The following MRAP2 variants were observed in gnomAD, a reference collection of about 807,000 sequenced individuals.
MRAP2 encodes the protein melanocortin-2 receptor accessory protein 2.
Under a neutral mutation model 17.4 loss-of-function variants are expected in MRAP2, and 20 were observed. The ratio of observed to expected loss-of-function variants is 1.15; its 90% CI spans 0.81 to 1.67. The LOEUF (loss-of-function observed/expected upper bound fraction) is 1.67. Ranked by LOEUF, MRAP2 falls within the 40% of genes most tolerant of loss-of-function variation. The pLI is 0.00. For synonymous variants in MRAP2, 96 were observed against 88.4 expected (o/e 1.09, Z -0.48); for missense variants, 238 against 240.0 (o/e 0.99, Z 0.05).
intron 3 of MRAP2, among the ~76,000 whole-genome samples, chr6:84,070,101 T>C (rs1411195234): frequency 6.6e-6 from 1 of 152,158 alleles, no homozygotes; most frequent in Non-Finnish European, 1.5e-5. Context: ...AGTTCTGCTC[T>C]GATGATCTTG....
chr6:84,041,768 T>C (rs1345661764), intron 1 of MRAP2, among the ~76,000 whole-genome samples: 1 of 152,286 alleles, frequency 6.6e-6, no homozygotes, highest in Non-Finnish European at 1.5e-5. Flanking sequence ...ATTTACCCAA[T>C]GCCTGTACCC....
chr6:84,093,774 T>G (rs2099502191), downstream of MRAP2, among the ~76,000 whole-genome samples: 1 of 152,218 alleles, frequency 6.6e-6, no homozygotes, highest in African/African-American at 2.4e-5. Context: ...TAGTGACTTT[T>G]AGCATTAAAA....
At chr6:84,132,832 G>C in the MRAP2 span, among the ~76,000 whole-genome samples, 1 of 152,030 alleles carries the variant, frequency 6.6e-6, no homozygotes, top group Non-Finnish European at 1.5e-5. Context: ...CTGATCTTCT[G>C]AGGCCTACTT....
In MRAP2 at chr6:84,055,357, G is replaced by A. The variant is rs767902944; in HGVS notation, c.39G>A (p.Gln13=). The change falls in exon 2 of 4, where the codon CAG becomes CAA. Residue 13 remains glutamine, a synonymous_variant. Transcript: ENST00000257776. Reference sequence around the variant, plus strand: ...GGTTAATTTCTAACAGAACCTCCCAGCAATCGGCATCTAATTCTGATTACA... The same window carrying A: ...GGTTAATTTCTAACAGAACCTCCCAACAATCGGCATCTAATTCTGATTACA... ...AQRLISNRTS[Q]QSASNSDYTW... is the part of the protein sequence containing the mutation. The A allele has an allele frequency of 2.5e-6, 4 of 1,613,700 alleles. No homozygotes were observed. In the Admixed American group the frequency reaches 6.7e-5, roughly 27 times the overall value.
chr6:84,039,390 G>T (rs1232508261), intron 1 of MRAP2, among the ~76,000 whole-genome samples: 2 of 152,190 alleles, frequency 1.3e-5, no homozygotes, highest in African/African-American at 2.4e-5. Flanking sequence ...TTTGCTTCAT[G>T]TCAGGGTACA....
At chr6:84,134,335 C>A in the MRAP2 span, among the ~76,000 whole-genome samples, 1 of 152,176 alleles carries the variant, frequency 6.6e-6, no homozygotes, top group Non-Finnish European at 1.5e-5. Flanking sequence ...ACTTGGCTCC[C>A]TGGCTTCAAC....
intron 3 of MRAP2, among the ~76,000 whole-genome samples, chr6:84,065,229 G>A (rs2099494352): frequency 6.6e-6 from 1 of 151,620 alleles, no homozygotes; most frequent in Non-Finnish European, 1.5e-5. Flanking sequence ...AGGCTGCAGT[G>A]AGCTGTGATT....
At chr6:84,066,755 A>G (rs970409609) in intron 3 of MRAP2, among the ~76,000 whole-genome samples, 2 of 152,226 alleles carry the variant, frequency 1.3e-5, no homozygotes, top group Non-Finnish European at 2.9e-5. Flanking sequence ...GAAAAAATGT[A>G]GAGTCAAACC....
At chr6:84,069,930 T>G (rs2099495773) in intron 3 of MRAP2, among the ~76,000 whole-genome samples, 1 of 152,196 alleles carries the variant, frequency 6.6e-6, no homozygotes, top group African/African-American at 2.4e-5. Context: ...TGGTGTCATT[T>G]GTAATAACTC....
At chr6:84,050,318 A>G (rs2129162400) in intron 1 of MRAP2, among the ~76,000 whole-genome samples, 1 of 152,304 alleles carries the variant, frequency 6.6e-6, no homozygotes, top group African/African-American at 2.4e-5. Context: ...TTTTTAAAGT[A>G]CTGCCCTGGG....
chr6:84,045,168 A>G, intron 1 of MRAP2: 1 of 978,764 alleles, frequency 1.0e-6, no homozygotes, highest in Non-Finnish European at 1.2e-6. Context: ...AGGTCCTGGA[A>G]CCAAGCCCCC....
downstream of MRAP2, among the ~76,000 whole-genome samples, chr6:84,091,385 C>T (rs879324320): frequency 2.0e-5 from 3 of 151,664 alleles, no homozygotes; most frequent in East Asian, 1.9e-4. Context: ...CGTGCCACCA[C>T]GCCTAGCTAA....
chr6:84,125,564 G>A, the MRAP2 span, among the ~76,000 whole-genome samples: 1 of 152,090 alleles, frequency 6.6e-6, no homozygotes, highest in Admixed American at 6.6e-5. Context: ...TCATAAGGGT[G>A]GGGACTTGAT....
At chr6:84,104,427 C>T in the MRAP2 span, among the ~76,000 whole-genome samples, 5 of 152,320 alleles carry the variant, frequency 3.3e-5, no homozygotes, top group African/African-American at 1.2e-4. Context: ...CTGCAGCTGG[C>T]TTGAATTTCT....
intron 3 of MRAP2, among the ~76,000 whole-genome samples, chr6:84,066,472 G>A (rs1006261809): frequency 3.3e-5 from 5 of 152,160 alleles, no homozygotes; most frequent in African/African-American, 7.2e-5. Flanking sequence ...TGTTTGGCAG[G>A]AGTTTCCTTC....
At chr6:84,052,362 C>T (rs973582288) in intron 1 of MRAP2, among the ~76,000 whole-genome samples, 4 of 152,094 alleles carry the variant, frequency 2.6e-5, no homozygotes, top group Non-Finnish European at 4.4e-5. Flanking sequence ...CACACTGTGG[C>T]GGGAATAGCA....
Position 84,084,693 on chromosome 6 carries a change from C to A in MRAP2, c.228-4398C>A, listed in dbSNP as rs182217782. Among the ~76,000 whole-genome samples the A allele has an allele frequency of 5.1e-3, 769 of 151,996 alleles. 9 individuals carry two copies. Among genetic ancestry groups the A allele is most frequent in the African/African-American group, 0.016 (679 of 41,488 alleles). On this transcript the variant is annotated intron_variant, in intron 3 of 3. Transcript: ENST00000257776. Reference sequence around the variant, plus strand: ...GAGCCTAGAAGGCTCTATGTATTAACTCTATATTTGCAGTTTCTATTTCAT... The same window carrying A: ...GAGCCTAGAAGGCTCTATGTATTAAATCTATATTTGCAGTTTCTATTTCAT...
intron 1 of MRAP2, among the ~76,000 whole-genome samples, chr6:84,051,045 G>A (rs1588628857): frequency 6.6e-6 from 1 of 152,174 alleles, no homozygotes; most frequent in East Asian, 1.9e-4. Flanking sequence ...CTGTGCCTGG[G>A]TTGGTGGTCA....
At chr6:84,068,206 GT>G (rs2099495252) in intron 3 of MRAP2, among the ~76,000 whole-genome samples, 1 of 151,946 alleles carries the variant, frequency 6.6e-6, no homozygotes, top group Non-Finnish European at 1.5e-5. Flanking sequence ...CTGTAAGTGG[GT>G]TTATTTCTGG....
Sources: allele counts gnomAD v4.1 joint callset (sites outside exome capture counted in the v4.1 genomes callset), GRCh38; gene constraint gnomAD v4.1.1; transcripts MANE v1.5; gene names NCBI Gene and HGNC (gene_info 2026-07-23, HGNC 2026-07-21).